The following RPTOR variants were observed in gnomAD, a reference collection of about 807,000 sequenced individuals.
The protein encoded by RPTOR is regulatory associated protein of MTOR complex 1, also known as regulatory-associated protein of mTOR.
In RPTOR, 21 loss-of-function variants were observed where a neutral mutation model predicts 169.9. The ratio of observed to expected loss-of-function variants is 0.12; its 90% CI spans 0.09 to 0.18. The LOEUF (loss-of-function observed/expected upper bound fraction) is 0.18, where lower values mean the gene tolerates loss of function less well. RPTOR is among the 10% of genes least tolerant of loss of function. RPTOR has a pLI of 1.00. For missense variants in RPTOR, 1,133 were observed against 1,855.9 expected, an observed-to-expected ratio of 0.61 and a Z score of 7.16; for synonymous variants, 732 against 753.2, an observed-to-expected ratio of 0.97 and a Z score of 0.46.
At chr17:80,784,151 A>G (rs2066968188) in intron 6 of RPTOR, among the ~76,000 whole-genome samples, 1 of 151,410 alleles carries the variant, frequency 6.6e-6, no homozygotes, top group South Asian at 2.1e-4. Flanking sequence ...TGGGGACTCA[A>G]CTGTGCTGTC....
At chr17:80,772,388 G>A (rs1027146432) in intron 6 of RPTOR, among the ~76,000 whole-genome samples, 28 of 152,014 alleles carry the variant, frequency 1.8e-4, no homozygotes. Flanking sequence ...CCCCAGTCCA[G>A]CAGGGACCAC....
At chr17:80,604,582 C>T (rs751460703) in intron 1 of RPTOR, among the ~76,000 whole-genome samples, 42 of 152,152 alleles carry the variant, frequency 2.8e-4, no homozygotes, top group Non-Finnish European at 4.3e-4. Context: ...TCTGTTCTCA[C>T]GCCGCTAATA....
At chr17:80,745,079 C>T (rs559505379) in intron 5 of RPTOR, among the ~76,000 whole-genome samples, 1 of 152,354 alleles carries the variant, frequency 6.6e-6, no homozygotes, top group South Asian at 2.1e-4. Context: ...TTCTCCCCCT[C>T]CTGCCACTGG....
chr17:80,961,914 A>G (rs1340031579), intron 31 of RPTOR, among the ~76,000 whole-genome samples: 6 of 152,230 alleles, frequency 3.9e-5, no homozygotes, highest in African/African-American at 7.2e-5. Context: ...GCAAGATGTA[A>G]TTTATGAATG....
rs143268669 is a variant in RPTOR, at chr17:80,965,337, G to A, written c.*1007G>A. On this transcript the variant is annotated 3_prime_UTR_variant, in exon 34 of 34. Transcript: ENST00000306801. ...TCACATACAGGCAAGAGGCACTGCC[G>A]GGTCCCGGACGGCTCCGGGTGACAC... 9 of 233,272 alleles carry A rather than the reference G, an allele frequency of 3.9e-5. No homozygotes were observed. Among genetic ancestry groups the A allele is most frequent in the Admixed American group, 1.7e-4 (3 of 17,810 alleles). The allele number at this position is 233,272 out of a possible 1,614,324, so 14.5% of individuals were successfully genotyped here.
intron 21 of RPTOR, among the ~76,000 whole-genome samples, chr17:80,920,370 G>A (rs890667363): frequency 6.6e-5 from 10 of 152,212 alleles, no homozygotes; most frequent in African/African-American, 2.2e-4. Context: ...GGGGTGGGGG[G>A]GGCTCCTGAT....
chr17:80,807,514 C>T (rs1345251147), intron 7 of RPTOR, among the ~76,000 whole-genome samples: 1 of 152,124 alleles, frequency 6.6e-6, no homozygotes, highest in Non-Finnish European at 1.5e-5. Context: ...CCACACCTGG[C>T]TAATTTTTTG....
At chr17:80,745,897 C>T (rs2066568362) in intron 5 of RPTOR, among the ~76,000 whole-genome samples, 3 of 152,194 alleles carry the variant, frequency 2.0e-5, no homozygotes, top group African/African-American at 7.2e-5. Context: ...CGCGGTGGCT[C>T]ACGCCTGTAA....
intron 2 of RPTOR, among the ~76,000 whole-genome samples, chr17:80,641,108 A>G (rs1296339548): frequency 6.6e-6 from 1 of 152,190 alleles, no homozygotes; most frequent in Admixed American, 6.5e-5. Context: ...TCAGATCCCA[A>G]TCCAATCCTA....
chr17:80,634,469 CGT>C, intron 2 of RPTOR, among the ~76,000 whole-genome samples: 1 of 58,284 alleles, frequency 1.7e-5, no homozygotes, highest in African/African-American at 8.0e-5. Flanking sequence ...ATAGTGTGTG[CGT>C]GTGCATACTG....
At chr17:80,925,588 T>A in intron 24 of RPTOR, 108 bp downstream of exon 24, 1 of 871,310 alleles carries the variant, frequency 1.1e-6, no homozygotes, top group Non-Finnish European at 1.9e-6. Context: ...CGTCCCATTG[T>A]GGTCGTGGTA....
intron 3 of RPTOR, among the ~76,000 whole-genome samples, chr17:80,657,005 G>A (rs2065684756): frequency 6.6e-6 from 1 of 152,184 alleles, no homozygotes. Flanking sequence ...AAATTATCAT[G>A]GGCATTTTAA....
intron 6 of RPTOR, among the ~76,000 whole-genome samples, chr17:80,758,387 G>A (rs2066701960): frequency 6.6e-6 from 1 of 152,088 alleles, no homozygotes; most frequent in Non-Finnish European, 1.5e-5. Context: ...TCCATTGTGG[G>A]GTGCTTTGAA....
chr17:80,786,599 C>T (rs1001445488), intron 6 of RPTOR, among the ~76,000 whole-genome samples: 8 of 152,252 alleles, frequency 5.3e-5, no homozygotes, highest in Non-Finnish European at 8.8e-5. Flanking sequence ...TGGGCAGAAA[C>T]GAAAGTGACT....
intron 6 of RPTOR, among the ~76,000 whole-genome samples, chr17:80,789,891 GAT>G (rs1435928319): frequency 2.0e-5 from 3 of 152,212 alleles, no homozygotes; most frequent in African/African-American, 7.2e-5. Context: ...GGATGAGTCT[GAT>G]ATAAGTGATT....
At chr17:80,938,368 A>T (rs561406827) in intron 24 of RPTOR, among the ~76,000 whole-genome samples, 20 of 152,232 alleles carry the variant, frequency 1.3e-4, no homozygotes, top group Non-Finnish European at 2.6e-4. Context: ...TTCCCACTCG[A>T]AAGTTCCTTC....
At position 80,878,243 on chromosome 17, in the gene RPTOR, G is replaced by C. The variant is rs1169196976; in HGVS notation, c.1510-2172G>C. On this transcript the variant is annotated intron_variant, in intron 13 of 33. Transcript: ENST00000306801. The surrounding 1 kb of genome is among the most constrained non-coding windows in gnomAD (Gnocchi z 4.1). ...TATTGATCCTAGAAACCCATGCTCT[G>C]TGGGTCCCTCTCCAAGAAACACAGC... Among the ~76,000 whole-genome samples, 3 of 152,150 alleles carry C rather than the reference G, an allele frequency of 2.0e-5. No individual in the cohort carries two copies. The East Asian group carries it at 5.8e-4, about 29-fold the overall frequency.
intron 3 of RPTOR, among the ~76,000 whole-genome samples, chr17:80,699,280 T>C (rs12940029): frequency 0.68 from 103,822 of 152,180 alleles, 36,381 homozygotes; most frequent in African/African-American, 0.84. Flanking sequence ...GATGAGTAAA[T>C]CAGCAGGTAG....
chr17:80,555,744 C>T (rs940124631), intron 1 of RPTOR, among the ~76,000 whole-genome samples: 2 of 152,312 alleles, frequency 1.3e-5, no homozygotes, highest in East Asian at 3.9e-4. Flanking sequence ...CATTGACCAG[C>T]ATTAAACTCC....
Sources: allele counts gnomAD v4.1 joint callset (sites outside exome capture counted in the v4.1 genomes callset), GRCh38; gene constraint gnomAD v4.1.1; non-coding constraint Gnocchi (gnomAD v3.1); transcripts MANE v1.5; gene names NCBI Gene and HGNC (gene_info 2026-07-23, HGNC 2026-07-21).